The following SNX13 variants were observed in gnomAD, a reference collection of about 807,000 sequenced individuals.
The protein encoded by SNX13 is sorting nexin-13.
In SNX13, 45 loss-of-function variants were observed where a neutral mutation model predicts 133.6. That is an observed-to-expected ratio of 0.34 (90% CI 0.27 to 0.43). SNX13 has a LOEUF of 0.43. Among genes scored for constraint, SNX13 ranks in the 20% least tolerant of loss-of-function variants. SNX13 has a pLI of 1.00. For missense variants in SNX13, 1,032 were observed against 1,145.1 expected, an observed-to-expected ratio of 0.90 and a Z score of 1.43; for synonymous variants, 414 against 373.9, an observed-to-expected ratio of 1.11 and a Z score of -1.24.
chr7:17,805,250 T>TGTGTGTGCG, intron 20 of SNX13, among the ~76,000 whole-genome samples: 1 of 95,560 alleles, frequency 1.0e-5, no homozygotes, highest in Admixed American at 1.2e-4. Flanking sequence ...TGTGTGTGTG[T>TGTGTGTGCG]GCGTGCGCGC....
At chr7:17,835,186 G>T (rs925029703) in intron 13 of SNX13, among the ~76,000 whole-genome samples, 1 of 151,788 alleles carries the variant, frequency 6.6e-6, no homozygotes, top group African/African-American at 2.4e-5. Context: ...TAGGATTATT[G>T]TAAGGATTAA....
chr7:17,860,291 T>C (rs1047378014), intron 9 of SNX13, among the ~76,000 whole-genome samples: 3 of 152,236 alleles, frequency 2.0e-5, no homozygotes, highest in African/African-American at 4.8e-5. Flanking sequence ...CTGTATAACT[T>C]CTGTGGAGAT....
At chr7:17,837,473 T>A (rs1789275120) in intron 13 of SNX13, among the ~76,000 whole-genome samples, 1 of 152,018 alleles carries the variant, frequency 6.6e-6, no homozygotes, top group African/African-American at 2.4e-5. Context: ...TTTGGGAATG[T>A]AATAATTGGG....
intron 20 of SNX13, among the ~76,000 whole-genome samples, chr7:17,804,748 A>G (rs1218962206): frequency 6.6e-6 from 1 of 152,100 alleles, no homozygotes; most frequent in Non-Finnish European, 1.5e-5. Flanking sequence ...AAAAAAAAAA[A>G]TTGTTAAGTA....
chr7:17,899,366 GCTCT>G (rs752556652), intron 1 of SNX13: 3 of 152,112 alleles, frequency 2.0e-5, no homozygotes, highest in Non-Finnish European at 4.4e-5. Context: ...GGTTTGAGAG[GCTCT>G]CTGTTATTAT....
At chr7:17,863,781 T>C (rs1448434287) in intron 9 of SNX13, among the ~76,000 whole-genome samples, 1 of 152,210 alleles carries the variant, frequency 6.6e-6, no homozygotes, top group Non-Finnish European at 1.5e-5. Context: ...CATGACAGTG[T>C]CCATGTCACT....
intron 17 of SNX13, 177 bp from the exon 18 acceptor site, chr7:17,821,825 T>C (rs1583364768): frequency 1.6e-6 from 1 of 634,796 alleles, no homozygotes; most frequent in Non-Finnish European, 2.6e-6. Context: ...TAGATTCCCA[T>C]CCTCCATATT....
chr7:17,854,235 A>C (rs1416496415), intron 9 of SNX13, among the ~76,000 whole-genome samples: 2 of 152,244 alleles, frequency 1.3e-5, no homozygotes, highest in Non-Finnish European at 2.9e-5. Flanking sequence ...ATGGGGGCTA[A>C]TTAAAATTAT....
At chr7:17,838,221 T>A (rs767016397) in intron 13 of SNX13, among the ~76,000 whole-genome samples, 1 of 151,990 alleles carries the variant, frequency 6.6e-6, no homozygotes, top group Non-Finnish European at 1.5e-5. Flanking sequence ...AGTGTGGCAA[T>A]CTGTGTCTAA....
chr7:17,872,464 T>G (rs1562817669), intron 8 of SNX13, among the ~76,000 whole-genome samples: 1 of 152,196 alleles, frequency 6.6e-6, no homozygotes, highest in African/African-American at 2.4e-5. Context: ...CTATCTTCCT[T>G]AAGTGGCAGA....
intron 5 of SNX13, chr7:17,879,873 T>A (rs1424586840): frequency 6.6e-6 from 1 of 152,212 alleles, no homozygotes; most frequent in Non-Finnish European, 1.5e-5. Flanking sequence ...GTCACATCAT[T>A]TCCCAAAGTT....
chr7:17,814,809 C>A, intron 20 of SNX13, 25 bp downstream of exon 20: 2 of 1,460,762 alleles, frequency 1.4e-6, no homozygotes, highest in Non-Finnish European at 1.8e-6. Flanking sequence ...AGAAAGAAAC[C>A]CAGTGCAGTG....
intron 2 of SNX13, among the ~76,000 whole-genome samples, chr7:17,895,833 A>C (rs1274058594): frequency 6.6e-6 from 1 of 152,222 alleles, no homozygotes. Context: ...AAAAAAAGAA[A>C]TAATTATTCA....
chr7:17,825,245 TA>T (rs1315221205), intron 17 of SNX13, among the ~76,000 whole-genome samples: 2 of 144,348 alleles, frequency 1.4e-5, no homozygotes, highest in Non-Finnish European at 3.0e-5. Flanking sequence ...TAATGTCTTC[TA>T]AACTAGATTA....
In SNX13 at chr7:17,890,385, C is replaced by A; in HGVS notation, c.418G>T (p.Ala140Ser). 2 of 1,610,142 alleles carry A rather than the reference C, an allele frequency of 1.2e-6. No homozygotes were observed. Among genetic ancestry groups the A allele is most frequent in the Non-Finnish European group, 1.7e-6 (2 of 1,177,824 alleles). Residue 140 changes from alanine (A) to serine (S), a missense_variant, in exon 5 of 26, where the codon GCA (alanine) becomes TCA (serine). Ala to Ser is a moderately conservative substitution (Grantham distance 99). Transcript: ENST00000428135. Reference protein sequence around the residue: ...LLEIRQTLQNALIQFATRSKE... With the variant: ...LLEIRQTLQNSLIQFATRSKE... Reference sequence around the variant, plus strand: ...TACCTAGTAGCAAACTGAATGAGTGCGTTTTGAAGAGTCTGCCTAATTTCA... The same window carrying A: ...TACCTAGTAGCAAACTGAATGAGTGAGTTTTGAAGAGTCTGCCTAATTTCA...
intron 12 of SNX13, among the ~76,000 whole-genome samples, chr7:17,844,218 G>T (rs544422166): frequency 1.1e-4 from 17 of 151,962 alleles, no homozygotes; most frequent in East Asian, 1.9e-4. Flanking sequence ...TACTAAAATC[G>T]GAAGTGAAAG....
intron 4 of SNX13, among the ~76,000 whole-genome samples, chr7:17,890,896 A>G (rs574205343): frequency 1.3e-4 from 19 of 151,970 alleles, no homozygotes; most frequent in Middle Eastern, 3.2e-3. Flanking sequence ...TTTAAAGATT[A>G]TATCATCAGA....
intron 5 of SNX13, among the ~76,000 whole-genome samples, chr7:17,886,517 G>A (rs757056711): frequency 3.3e-5 from 5 of 151,844 alleles, no homozygotes; most frequent in Non-Finnish European, 4.4e-5. Flanking sequence ...GCAGTGAGCC[G>A]AGATCGTGCC....
intron 1 of SNX13, among the ~76,000 whole-genome samples, chr7:17,902,457 T>C (rs1238914612): frequency 6.6e-6 from 1 of 152,132 alleles, no homozygotes; most frequent in Admixed American, 6.5e-5. Context: ...AAAAATCAAG[T>C]TATGTTATTC....
Sources: allele counts gnomAD v4.1 joint callset (sites outside exome capture counted in the v4.1 genomes callset), GRCh38; gene constraint gnomAD v4.1.1; transcripts MANE v1.5; gene names NCBI Gene and HGNC (gene_info 2026-07-23, HGNC 2026-07-21).